The following VWA8 variants were observed in gnomAD, a reference collection of about 807,000 sequenced individuals.
The protein encoded by VWA8 is von Willebrand factor A domain containing 8, also known as von Willebrand factor A domain-containing protein 8.
Under a neutral mutation model 241.5 loss-of-function variants are expected in VWA8, and 221 were observed. That is an observed-to-expected ratio of 0.91 (90% CI 0.82 to 1.02). The LOEUF is 1.02. Ranked by LOEUF, VWA8 falls within the 50% of genes least tolerant of loss-of-function variation. VWA8 has a pLI of 0.00. For missense variants in VWA8, 2,322 were observed against 2,328.7 expected (o/e 1.00, Z 0.06); for synonymous variants, 852 against 827.1 (o/e 1.03, Z -0.52).
intron 21 of VWA8, 42 bp downstream of exon 21, chr13:41,761,086 T>C (rs9566844): frequency 0.32 from 506,240 of 1,577,268 alleles, 83,192 homozygotes; most frequent in Non-Finnish European, 0.33. Context: ...AAACAAATGA[T>C]TAAATGAGAT....
At chr13:41,682,955 A>G (rs947926974) in intron 35 of VWA8, among the ~76,000 whole-genome samples, 6 of 152,146 alleles carry the variant, frequency 3.9e-5, no homozygotes, top group Admixed American at 3.3e-4. Flanking sequence ...AACTGACAAT[A>G]CCAAGTGCTG....
At chr13:41,892,082 G>A (rs1874872932) in intron 4 of VWA8, among the ~76,000 whole-genome samples, 1 of 152,118 alleles carries the variant, frequency 6.6e-6, no homozygotes, top group African/African-American at 2.4e-5. Context: ...GTGTGATGAT[G>A]CTGACAACAT....
At chr13:41,721,337 TG>T in intron 25 of VWA8, 32 bp downstream of exon 25, 4 of 1,606,196 alleles carry the variant, frequency 2.5e-6, no homozygotes, top group Non-Finnish European at 3.4e-6. Flanking sequence ...AAGAGAGTGA[TG>T]GCTCTTAGGT....
At chr13:41,953,251 CATT>C (rs1394322606) in intron 1 of VWA8, among the ~76,000 whole-genome samples, 2 of 152,196 alleles carry the variant, frequency 1.3e-5, no homozygotes, top group Non-Finnish European at 2.9e-5. Context: ...GATTGGAAAA[CATT>C]ATTAATCACT....
intron 2 of VWA8, among the ~76,000 whole-genome samples, chr13:41,945,263 T>C (rs1039622145): frequency 2.0e-5 from 3 of 150,276 alleles, no homozygotes; most frequent in East Asian, 2.0e-4. Context: ...TTTAAAGAAA[T>C]AGACTAGGAA....
At chr13:41,629,955 A>G (rs2044715903) in intron 37 of VWA8, among the ~76,000 whole-genome samples, 2 of 152,240 alleles carry the variant, frequency 1.3e-5, no homozygotes, top group South Asian at 4.1e-4. Context: ...ACTTTTGGTC[A>G]CTCATAGCTA....
chr13:41,745,574 C>T (rs913210215), intron 21 of VWA8, among the ~76,000 whole-genome samples: 5 of 152,228 alleles, frequency 3.3e-5, no homozygotes, highest in East Asian at 1.9e-4. Context: ...TCTCAAAAGA[C>T]GACATTTATG....
chr13:41,824,101 C>T (rs7984384), intron 14 of VWA8, among the ~76,000 whole-genome samples: 37,892 of 152,116 alleles, frequency 0.25, 5,169 homozygotes, highest in South Asian at 0.3. Context: ...AATTTACCAA[C>T]TGGGTCTAGA....
At position 41,868,319 on chromosome 13, in the gene VWA8, A is replaced by G. The variant is rs757723955; in HGVS notation, c.1212+27T>C. ...AAACAGGCAGAATAAGGTATATCAT[A>G]GAAAGAATAAACCTGTGATTAATTA... On this transcript the variant is annotated intron_variant, in intron 10 of 44. Transcript: ENST00000379310. 20 of 1,612,570 alleles carry G rather than the reference A, an allele frequency of 1.2e-5. No individual in the cohort carries two copies. The South Asian group carries it at 1.7e-4, about 13-fold the overall frequency.
chr13:41,596,983 T>C (rs1191177497), intron 40 of VWA8, among the ~76,000 whole-genome samples: 2 of 152,102 alleles, frequency 1.3e-5, no homozygotes. Context: ...AAGACTTTTT[T>C]TTTACCTACA....
At chr13:41,881,480 G>T (rs1386401432) in intron 9 of VWA8, among the ~76,000 whole-genome samples, 4 of 111,282 alleles carry the variant, frequency 3.6e-5, no homozygotes, top group Non-Finnish European at 7.3e-5. Flanking sequence ...ACACAGACAC[G>T]GCAACCATCC....
At chr13:41,695,611 C>A (rs1007893850) in intron 29 of VWA8, among the ~76,000 whole-genome samples, 1 of 152,090 alleles carries the variant, frequency 6.6e-6, no homozygotes, top group African/African-American at 2.4e-5. Context: ...AAATAAGATA[C>A]TCTCTCCGGG....
At chr13:41,857,176 G>A (rs1872788912) in intron 12 of VWA8, among the ~76,000 whole-genome samples, 1 of 152,142 alleles carries the variant, frequency 6.6e-6, no homozygotes, top group Admixed American at 6.5e-5. Context: ...TTTTTTAAAT[G>A]TGATAAGGGA....
chr13:41,946,653 TAA>T (rs536046175), intron 2 of VWA8, among the ~76,000 whole-genome samples: 1 of 135,416 alleles, frequency 7.4e-6, no homozygotes. Flanking sequence ...ACAAAATAAT[TAA>T]AAAAAAAAAA....
At position 41,611,512 on chromosome 13, in the gene VWA8, C is replaced by T. The variant is rs2044588039; in HGVS notation, c.4877+64G>A. Reference sequence around the variant, plus strand: ...AAACACACACAAATCTAGGTTTCCCCACAGTCCATCATGACATTTCACCAT... The same window carrying T: ...AAACACACACAAATCTAGGTTTCCCTACAGTCCATCATGACATTTCACCAT... On this transcript the variant is annotated intron_variant, in intron 39 of 44. Transcript: ENST00000379310. The T allele has an allele frequency of 1.9e-6, 3 of 1,552,784 alleles. No individual in the cohort carries two copies. In the South Asian group the frequency reaches 3.7e-5, roughly 19 times the overall value.
At position 41,912,132 on chromosome 13, in the gene VWA8, A is replaced by G. The variant is rs1876035532; in HGVS notation, c.278T>C (p.Leu93Pro). The G allele has an allele frequency of 6.2e-7, 1 of 1,608,850 alleles. No homozygotes were observed. The highest frequency in any genetic ancestry group is 8.5e-7 in the Non-Finnish European group (1 of 1,176,876). ...AAGATCCTTCTGCATTATCCATCTT[A>G]GATGCTGAACTACAGATTGAGCCAG... Reference protein sequence around the residue: ...DSLAQSVVQHLRWIMQKDLLG... With the variant: ...DSLAQSVVQHPRWIMQKDLLG... The change falls in exon 3 of 45, where the codon CTA becomes CCA. Residue 93 changes from leucine (L) to proline (P), a missense_variant. Transcript: ENST00000379310.
chr13:41,891,414 T>G lies in VWA8; in HGVS notation c.651+6A>C. On this transcript the variant is annotated splice_donor_region_variant and intron_variant, in intron 5 of 44. Coordinates refer to ENST00000379310, the MANE Select transcript of VWA8 (RefSeq NM_015058.2). Reference sequence around the variant, plus strand: ...AAGACAAAGCAACAGGATTTTCTTTTCTTACTCGGAGAAGTTTGTCGTAAC... The same window carrying G: ...AAGACAAAGCAACAGGATTTTCTTTGCTTACTCGGAGAAGTTTGTCGTAAC... 1 of 1,614,018 alleles carries G rather than the reference T, an allele frequency of 6.2e-7. No homozygotes were observed.
chr13:41,942,819 T>A (rs1282859119), intron 2 of VWA8, among the ~76,000 whole-genome samples: 1 of 152,220 alleles, frequency 6.6e-6, no homozygotes, highest in African/African-American at 2.4e-5. Flanking sequence ...AAGACAGCAG[T>A]TCCTTAAGGA....
chr13:41,863,591 G>A (rs1479732613), intron 12 of VWA8, among the ~76,000 whole-genome samples: 6 of 151,424 alleles, frequency 4.0e-5, no homozygotes. Flanking sequence ...ACCAACAGTG[G>A]ACTAGATGAA....
Sources: gnomAD v4.1 joint callset for allele counts (sites outside exome capture counted in the v4.1 genomes callset) on GRCh38, gnomAD v4.1.1 for gene constraint, MANE v1.5 for transcripts, NCBI Gene and HGNC (gene_info 2026-07-23, HGNC 2026-07-21) for gene names.